Variants in FSTL5 observed in about 807,000 individuals in gnomAD.
The protein encoded by FSTL5 is follistatin like 5, also known as follistatin-related protein 5.
In FSTL5, 62 loss-of-function variants were observed where a neutral mutation model predicts 89.1. The observed-to-expected ratio is 0.70, with a 90% CI of 0.57 to 0.86. The LOEUF is 0.86. Ranked by LOEUF, FSTL5 falls within the 40% of genes least tolerant of loss-of-function variation. The pLI, the probability that FSTL5 is intolerant of heterozygous loss-of-function variation, is 0.00. For missense variants in FSTL5, 1,057 were observed against 1,001.6 expected (o/e 1.06, Z -0.75); for synonymous variants, 383 against 346.2 (o/e 1.11, Z -1.18).
chr4:161,953,573 A>C (rs982746613), intron 3 of FSTL5, among the ~76,000 whole-genome samples: 1 of 151,698 alleles, frequency 6.6e-6, no homozygotes, highest in Non-Finnish European at 1.5e-5. Context: ...ATTTCATAGA[A>C]TTTGCATACT....
At chr4:161,719,711 T>A (rs1739123473) in intron 6 of FSTL5, among the ~76,000 whole-genome samples, 1 of 152,120 alleles carries the variant, frequency 6.6e-6, no homozygotes, top group Non-Finnish European at 1.5e-5. Flanking sequence ...GGTTAATTTT[T>A]TTTATGCCAT....
chr4:161,918,056 T>C (rs950902621), intron 4 of FSTL5, among the ~76,000 whole-genome samples: 3 of 152,208 alleles, frequency 2.0e-5, no homozygotes, highest in African/African-American at 2.4e-5. Context: ...GATTTGCTTC[T>C]TCCATTGGGC....
chr4:162,091,237 C>T (rs1390460038), intron 2 of FSTL5, among the ~76,000 whole-genome samples: 1 of 152,140 alleles, frequency 6.6e-6, no homozygotes, highest in African/African-American at 2.4e-5. Flanking sequence ...GCAATTACCT[C>T]AAGATTCTTG....
intron 6 of FSTL5, among the ~76,000 whole-genome samples, chr4:161,729,387 T>C (rs1317251199): frequency 3.3e-5 from 5 of 152,140 alleles, no homozygotes; most frequent in African/African-American, 1.2e-4. Flanking sequence ...CCAAAATGCA[T>C]AGGCAGATGA....
At position 161,385,221 on chromosome 4, in the gene FSTL5, T is replaced by G. The variant is rs1329799236; in HGVS notation, c.*526A>C. ...TTTAACAACAAGAGATTTATAGTTA[T>G]GAGAGCATTTAGTATGCAGGCTTTA... On this transcript the variant is annotated 3_prime_UTR_variant, in exon 16 of 16. Coordinates refer to ENST00000306100, the MANE Select transcript of FSTL5 (RefSeq NM_020116.5). 1 of 153,520 alleles carries G rather than the reference T, an allele frequency of 6.5e-6. No individual in the cohort carries two copies. Among genetic ancestry groups the G allele is most frequent in the Admixed American group, 6.5e-5 (1 of 15,418 alleles). The allele number at this position is 153,520 out of a possible 1,614,324, so 9.5% of individuals were successfully genotyped here.
chr4:161,897,765 T>C (rs1733213258), intron 4 of FSTL5, among the ~76,000 whole-genome samples: 2 of 151,864 alleles, frequency 1.3e-5, no homozygotes, highest in Admixed American at 1.3e-4. Flanking sequence ...GTCCATTCTT[T>C]GTGTTGTACA....
chr4:161,709,690 GGAGA>G (rs911338960), intron 6 of FSTL5, among the ~76,000 whole-genome samples: 1 of 152,086 alleles, frequency 6.6e-6, no homozygotes, highest in Non-Finnish European at 1.5e-5. Flanking sequence ...CAGCTACTCA[GGAGA>G]GTGAAGTGCG....
chr4:162,115,107 G>T (rs928167110), intron 1 of FSTL5, among the ~76,000 whole-genome samples: 3 of 152,142 alleles, frequency 2.0e-5, no homozygotes, highest in Non-Finnish European at 4.4e-5. Flanking sequence ...CAGCAGTGCA[G>T]AGGTAATAGC....
intron 2 of FSTL5, among the ~76,000 whole-genome samples, chr4:162,094,314 G>T (rs2111365857): frequency 6.6e-6 from 1 of 152,288 alleles, no homozygotes. Context: ...TTGAACCTGG[G>T]AGGCAGAGGT....
chr4:161,530,150 C>T lies in FSTL5; in HGVS notation c.1312+8016G>A, dbSNP rs574321668. ...TATGTTATCAGAATCTATTCTATTTCTAAAGTTTATGATAGTCATATTCAT... is the reference window on the plus strand; with the variant it reads ...TATGTTATCAGAATCTATTCTATTTTTAAAGTTTATGATAGTCATATTCAT... On this transcript the variant is annotated intron_variant, in intron 10 of 15. Transcript: ENST00000306100. Among the ~76,000 whole-genome samples, 3 of 142,480 alleles carry T rather than the reference C, an allele frequency of 2.1e-5. 1 individual carries two copies. Among genetic ancestry groups the T allele is most frequent in the Non-Finnish European group, 4.6e-5 (3 of 64,872 alleles). The allele number at this position is 142,480 out of a possible 152,430, so 93.5% of individuals were successfully genotyped here.
At chr4:161,742,560 A>T (rs1334276405) in intron 6 of FSTL5, among the ~76,000 whole-genome samples, 2 of 152,220 alleles carry the variant, frequency 1.3e-5, no homozygotes, top group East Asian at 1.9e-4. Context: ...AAAAACAGAA[A>T]TATGAGTAGC....
At chr4:161,887,431 T>TATCTATCTATCTATC (rs1560900206) in intron 4 of FSTL5, among the ~76,000 whole-genome samples, 15 of 141,006 alleles carry the variant, frequency 1.1e-4, no homozygotes, top group African/African-American at 4.0e-4. Context: ...ATCTATCATC[T>TATCTATCTATCTATC]ATCTACCTAT....
At position 161,881,689 on chromosome 4, in the gene FSTL5, T is replaced by C. The variant is rs540392283; in HGVS notation, c.409+38715A>G. On this transcript the variant is annotated intron_variant, in intron 4 of 15. Transcript: ENST00000306100. ...CTTAGGACACTGCACTTTTGTTTTG[T>C]TTTGCTTTTATGGAAAACAAACAAA... Among the ~76,000 whole-genome samples the C allele has an allele frequency of 9.9e-5, 15 of 152,208 alleles. No homozygotes were observed. In the East Asian group the frequency reaches 2.7e-3, roughly 27 times the overall value.
intron 7 of FSTL5, among the ~76,000 whole-genome samples, chr4:161,620,516 C>A (rs978697247): frequency 6.6e-6 from 1 of 151,844 alleles, no homozygotes; most frequent in African/African-American, 2.4e-5. Context: ...ATTAGCCGGG[C>A]GCGGTGGCAG....
chr4:161,626,608 C>T (rs946725010), intron 7 of FSTL5, among the ~76,000 whole-genome samples: 1 of 152,180 alleles, frequency 6.6e-6, no homozygotes, highest in Non-Finnish European at 1.5e-5. Context: ...CACATTCATT[C>T]TGCAACACAT....
intron 8 of FSTL5, among the ~76,000 whole-genome samples, chr4:161,577,911 C>T (rs939201928): frequency 6.6e-6 from 1 of 151,980 alleles, no homozygotes; most frequent in African/African-American, 2.4e-5. Flanking sequence ...TCTCATACTG[C>T]ATATCAGAAG....
intron 2 of FSTL5, chr4:162,042,210 A>AATGGGAAAATATATTTCCCATT (rs1049104445): frequency 1.3e-5 from 2 of 152,156 alleles, no homozygotes; most frequent in Non-Finnish European, 2.9e-5. Flanking sequence ...AATTGAAAAT[A>AATGGGAAAATATATTTCCCATT]ATGGGAAAAT....
chr4:161,821,870 G>T (rs1388099285), intron 4 of FSTL5, among the ~76,000 whole-genome samples: 3 of 151,966 alleles, frequency 2.0e-5, no homozygotes, highest in Admixed American at 6.6e-5. Flanking sequence ...TTTTGCAATT[G>T]CAAATTGTGC....
chr4:161,675,887 G>A (rs1211560853), intron 6 of FSTL5, among the ~76,000 whole-genome samples: 1 of 151,938 alleles, frequency 6.6e-6, no homozygotes, highest in East Asian at 1.9e-4. Flanking sequence ...AGATGTACTA[G>A]ATTTTAACTG....
Sources: allele counts gnomAD v4.1 joint callset (sites outside exome capture counted in the v4.1 genomes callset), GRCh38; gene constraint gnomAD v4.1.1; transcripts MANE v1.5; gene names NCBI Gene and HGNC (gene_info 2026-07-23, HGNC 2026-07-21).